SLCO4C1: variants seen among roughly 807,000 people sequenced by gnomAD.
SLCO4C1 encodes organic anion transporter M1.
A neutral mutation model predicts 72.1 loss-of-function variants in SLCO4C1; 58 were observed. The ratio of observed to expected loss-of-function variants is 0.80; its 90% CI spans 0.65 to 1.00. The LOEUF (loss-of-function observed/expected upper bound fraction) is 1.00, where lower values mean the gene tolerates loss of function less well. Among genes scored for constraint, SLCO4C1 ranks in the 50% least tolerant of loss-of-function variants. SLCO4C1 has a pLI of 0.00. For missense variants in SLCO4C1, 898 were observed against 857.9 expected, an observed-to-expected ratio of 1.05 and a Z score of -0.58; for synonymous variants, 297 against 312.5, an observed-to-expected ratio of 0.95 and a Z score of 0.52.
At chr5:102,239,071 G>T (rs908105536) in intron 12 of SLCO4C1, among the ~76,000 whole-genome samples, 180 bp downstream of exon 12, 3 of 152,118 alleles carry the variant, frequency 2.0e-5, no homozygotes, top group African/African-American at 7.2e-5. Context: ...AACTCCATCT[G>T]TTCAAAGCCT....
Position 102,235,503 on chromosome 5 carries a change from A to G in SLCO4C1, c.*1355T>C, listed in dbSNP as rs1476987718. On this transcript the variant is annotated 3_prime_UTR_variant, in exon 13 of 13. Transcript: ENST00000310954. ...AAATCTGACCTGAATAAACAGGGTT[A>G]TAACATTATCAGGCTTGTAAAATAC... The G allele has an allele frequency of 2.6e-5, 4 of 152,260 alleles. No individual in the cohort carries two copies. The highest frequency in any genetic ancestry group is 2.1e-4 in the South Asian group (1 of 4,836). The allele number at this position is 152,260 out of a possible 1,614,324, so 9.4% of individuals were successfully genotyped here.
At chr5:102,245,405 A>G (rs1748619074) in intron 10 of SLCO4C1, among the ~76,000 whole-genome samples, 1 of 152,150 alleles carries the variant, frequency 6.6e-6, no homozygotes, top group Non-Finnish European at 1.5e-5. Context: ...TATACCTAGA[A>G]AAAATAGATT....
chr5:102,248,706 TATTC>T (rs577876566), intron 9 of SLCO4C1, among the ~76,000 whole-genome samples: 112 of 152,264 alleles, frequency 7.4e-4, no homozygotes, highest in Non-Finnish European at 1.4e-3. Context: ...TTACACATCT[TATTC>T]ATTGTTTTCT....
At chr5:102,260,403 A>G in intron 5 of SLCO4C1, 84 bp from the exon 6 acceptor site, 1 of 268,036 alleles carries the variant, frequency 3.7e-6, no homozygotes, top group Admixed American at 5.9e-5. Context: ...ATATATAATA[A>G]GTAAACGTGC....
At chr5:102,293,278 G>A (rs144662679) in intron 1 of SLCO4C1, among the ~76,000 whole-genome samples, 2 of 151,898 alleles carry the variant, frequency 1.3e-5, no homozygotes, top group East Asian at 3.9e-4. Flanking sequence ...CCTATCACTT[G>A]CCATACTGAT....
In SLCO4C1 at chr5:102,257,182, T is replaced by A; in HGVS notation, c.1402A>T (p.Ser468Cys). 6.2e-7 allele frequency: 1 copy of A among 1,607,902 alleles called. No homozygotes were observed. ...LFTSGVALTL[S>C]FVFMYAKCEN... ...CATTTGGCATACATAAATACAAAAC[T>A]CAGCGTAAGTGCAACTCCAGATGTG... The change falls in exon 8 of 13, where the codon AGT (serine) becomes TGT (cysteine). Residue 468 changes from serine (S) to cysteine (C), a missense_variant. Physicochemically the swap from Ser to Cys is moderately radical, Grantham distance 112. Transcript: ENST00000310954.
rs768763968 is a variant in SLCO4C1 at position 102,259,681 on chromosome 5, C to T, written c.1128+532G>A. Among the ~76,000 whole-genome samples, 56 of 151,986 alleles carry T rather than the reference C, an allele frequency of 3.7e-4. 1 individual carries two copies. The highest frequency in any genetic ancestry group is 2.5e-3 in the Admixed American group (38 of 15,264). ...CCATAACACTTTTGTTCTTTAGCCT[C>T]GAATTCAAAAGAAGTTACCACTAAC... On this transcript the variant is annotated intron_variant, in intron 6 of 12. Transcript: ENST00000310954.
At chr5:102,279,106 A>G (rs550629461) in intron 2 of SLCO4C1, among the ~76,000 whole-genome samples, 9 of 152,064 alleles carry the variant, frequency 5.9e-5, no homozygotes, top group African/African-American at 2.2e-4. Context: ...GACAAAGAAT[A>G]AGAAAAAGTA....
chr5:102,258,112 AAATG>A, intron 6 of SLCO4C1, 25 bp from the exon 7 acceptor site: 1 of 1,524,318 alleles, frequency 6.6e-7, no homozygotes. Flanking sequence ...ACAGTTCCTC[AAATG>A]AATAGCTATG....
At chr5:102,261,825 A>G in intron 5 of SLCO4C1, 87 bp downstream of exon 5, 1 of 1,313,702 alleles carries the variant, frequency 7.6e-7, no homozygotes, top group Non-Finnish European at 1.0e-6. Context: ...AACAGGGTGA[A>G]TCTATAGTTC....
chr5:102,258,556 T>C (rs1475375331), intron 6 of SLCO4C1, among the ~76,000 whole-genome samples: 4 of 152,204 alleles, frequency 2.6e-5, no homozygotes. Flanking sequence ...CACTCAGCAA[T>C]TAAGCACTTT....
rs140398771 is a variant in SLCO4C1 at position 102,255,663 on chromosome 5, C to A, written c.1469+1452G>T. On this transcript the variant is annotated intron_variant, in intron 8 of 12. Coordinates refer to ENST00000310954, the MANE Select transcript of SLCO4C1 (RefSeq NM_180991.5). ...TTTCTCTCTTCTCAAATCTTTATTT[C>A]TCAAAACTCTTTGTATCCTTGAAGG... Among the ~76,000 whole-genome samples the A allele has an allele frequency of 2.2e-3, 329 of 152,202 alleles. 3 individuals are homozygous for A. Among genetic ancestry groups the A allele is most frequent in the African/African-American group, 7.8e-3 (322 of 41,536 alleles).
intron 2 of SLCO4C1, among the ~76,000 whole-genome samples, chr5:102,271,347 A>G (rs967634878): frequency 2.0e-5 from 3 of 151,082 alleles, no homozygotes; most frequent in Non-Finnish European, 4.4e-5. Flanking sequence ...TGTATTATAC[A>G]TAGGTTTAGA....
intron 8 of SLCO4C1, among the ~76,000 whole-genome samples, chr5:102,250,524 A>T (rs920024370): frequency 4.6e-5 from 7 of 152,172 alleles, no homozygotes; most frequent in Admixed American, 2.0e-4. Flanking sequence ...GCCCTCAAGG[A>T]TTTCACAGTT....
chr5:102,254,986 T>C (rs541027611), intron 8 of SLCO4C1, among the ~76,000 whole-genome samples: 96 of 151,924 alleles, frequency 6.3e-4, no homozygotes, highest in Non-Finnish European at 1.3e-3. Flanking sequence ...ACTCAGTGTA[T>C]AGAAGCTAAA....
chr5:102,274,276 G>A (rs1004971258), intron 2 of SLCO4C1, among the ~76,000 whole-genome samples: 6 of 152,056 alleles, frequency 3.9e-5, no homozygotes, highest in Non-Finnish European at 5.9e-5. Context: ...AAGCTCCTAC[G>A]TTGTTTATAA....
Position 102,257,115 on chromosome 5 carries a change from C to T in SLCO4C1, c.1469G>A (p.Gly490Glu). Reference protein sequence around the residue: ...PFAGVSESYNGTGELGNLIAP... With the variant: ...PFAGVSESYNETGELGNLIAP... ...TCAAAAAGCACTGAATTGTATTTAC[C>T]CATTATATGATTCAGATACACCAGC... Residue 490 changes from glycine to glutamate, a missense_variant and splice_region_variant, in exon 8 of 13, where the codon GGG (glycine) becomes GAG (glutamate). Coordinates refer to ENST00000310954, the MANE Select transcript of SLCO4C1 (RefSeq NM_180991.5). The T allele has an allele frequency of 6.4e-7, 1 of 1,559,136 alleles. No individual in the cohort carries two copies. Among genetic ancestry groups the T allele is most frequent in the Non-Finnish European group, 8.7e-7 (1 of 1,155,630 alleles).
intron 1 of SLCO4C1, among the ~76,000 whole-genome samples, chr5:102,292,026 T>C (rs1407604862): frequency 2.0e-5 from 3 of 152,062 alleles, no homozygotes; most frequent in Non-Finnish European, 4.4e-5. Context: ...GGTTTCACCA[T>C]GTTGGCCAGG....
chr5:102,263,479 T>G (rs189687821), intron 4 of SLCO4C1, among the ~76,000 whole-genome samples: 8 of 152,254 alleles, frequency 5.3e-5, no homozygotes, highest in African/African-American at 1.7e-4. Flanking sequence ...AAATATGTTA[T>G]TATAATAAAA....
Sources: gnomAD v4.1 joint callset for allele counts (sites outside exome capture counted in the v4.1 genomes callset) on GRCh38, gnomAD v4.1.1 for gene constraint, MANE v1.5 for transcripts, NCBI Gene and HGNC (gene_info 2026-07-23, HGNC 2026-07-21) for gene names.